Variants in ITPR1 observed in about 807,000 individuals in gnomAD.
ITPR1 encodes the protein inositol 1,4,5-trisphosphate receptor type 1, also known as inositol 1,4,5-trisphosphate-gated calcium channel ITPR1.
ITPR1 carries 96 observed loss-of-function variants against 318.4 expected under a neutral mutation model. That is an observed-to-expected ratio of 0.30 (90% CI 0.26 to 0.36). The LOEUF (loss-of-function observed/expected upper bound fraction) is 0.36, where lower values mean the gene tolerates loss of function less well. Among genes scored for constraint, ITPR1 ranks in the 10% least tolerant of loss-of-function variants. The pLI is 1.00. For synonymous variants in ITPR1, 1,312 were observed against 1,289.9 expected (o/e 1.02, Z -0.37); for missense variants, 2,440 against 3,460.2 (o/e 0.71, Z 7.40).
intron 4 of ITPR1, among the ~76,000 whole-genome samples, chr3:4,573,197 T>C (rs1201292332): frequency 6.6e-6 from 1 of 152,228 alleles, no homozygotes; most frequent in East Asian, 1.9e-4. Context: ...CGTTTTATAA[T>C]CTCGCCAACA....
chr3:4,754,517 G>A (rs906384497), intron 44 of ITPR1, among the ~76,000 whole-genome samples: 2 of 152,126 alleles, frequency 1.3e-5, no homozygotes, highest in Non-Finnish European at 2.9e-5. Flanking sequence ...GAGGATACTT[G>A]TCATTGAATC....
At position 4,762,711 on chromosome 3, in the gene ITPR1, C is replaced by T. The variant is rs1470196209; in HGVS notation, c.5545-3819C>T. On this transcript the variant is annotated intron_variant, in intron 44 of 61. Coordinates refer to ENST00000649015, the MANE Select transcript of ITPR1 (RefSeq NM_001378452.1). ...CAGTGGGTCAAGGACCTGGGACTCA[C>T]ACCCAGGCAGTCTGACTGCAAAACC... 2.0e-5 allele frequency among the ~76,000 whole-genome samples: 3 copies of T among 152,234 alleles called. No individual in the cohort carries two copies. The East Asian group carries it at 5.8e-4, about 29-fold the overall frequency.
At chr3:4,555,958 T>C (rs1020159538) in intron 4 of ITPR1, among the ~76,000 whole-genome samples, 5 of 152,200 alleles carry the variant, frequency 3.3e-5, no homozygotes, top group Admixed American at 1.3e-4. Context: ...GCACTTCAGC[T>C]CCAGGGTCTG....
At chr3:4,516,167 C>G (rs992558586) in intron 2 of ITPR1, among the ~76,000 whole-genome samples, 1 of 152,122 alleles carries the variant, frequency 6.6e-6, no homozygotes. Flanking sequence ...TCCCTGCAGG[C>G]TTTCTATTCA....
At chr3:4,651,778 T>C (rs7630678) in intron 10 of ITPR1, among the ~76,000 whole-genome samples, 123,449 of 152,206 alleles carry the variant, frequency 0.81, 50,898 homozygotes, top group East Asian at 1. Flanking sequence ...TAGATTGCTT[T>C]GACAGTTCTC....
At chr3:4,666,061 C>T (rs2093940563) in intron 17 of ITPR1, among the ~76,000 whole-genome samples, 2 of 152,144 alleles carry the variant, frequency 1.3e-5, no homozygotes, top group South Asian at 4.1e-4. Flanking sequence ...AAGAATTATC[C>T]TGCCTAAAAT....
chr3:4,607,971 G>C (rs548805197), intron 4 of ITPR1, among the ~76,000 whole-genome samples: 1 of 152,206 alleles, frequency 6.6e-6, no homozygotes, highest in Admixed American at 6.5e-5. Flanking sequence ...TGCCTAGCCT[G>C]GTAGCCTCTC....
intron 42 of ITPR1, among the ~76,000 whole-genome samples, chr3:4,729,610 C>T (rs1348472362): frequency 5.9e-5 from 9 of 152,202 alleles, no homozygotes; most frequent in South Asian, 2.1e-4. Flanking sequence ...TCTCTTCCCA[C>T]GCAGTTCATT....
chr3:4,672,701 A>T (rs574141682), intron 20 of ITPR1, among the ~76,000 whole-genome samples: 1 of 152,236 alleles, frequency 6.6e-6, no homozygotes, highest in African/African-American at 2.4e-5. Flanking sequence ...TTAAAATGTT[A>T]TAAAATTTCT....
At chr3:4,697,064 G>C in intron 33 of ITPR1, 83 bp from the exon 34 acceptor site, 11 of 1,294,568 alleles carry the variant, frequency 8.5e-6, no homozygotes, top group Non-Finnish European at 1.2e-5. Context: ...ATTTTCATCG[G>C]TCCTTGCTGT....
At chr3:4,681,763 A>T (rs1175209881) in intron 26 of ITPR1, among the ~76,000 whole-genome samples, 1 of 152,060 alleles carries the variant, frequency 6.6e-6, no homozygotes, top group Non-Finnish European at 1.5e-5. Context: ...ATAGAAAGAG[A>T]GAGGGGCTCA....
intron 60 of ITPR1, among the ~76,000 whole-genome samples, chr3:4,821,968 C>T (rs184105654): frequency 9.9e-5 from 15 of 152,240 alleles, no homozygotes; most frequent in Non-Finnish European, 1.5e-5. Context: ...ATGGGAGTAT[C>T]CCCCTCAAAG....
intron 15 of ITPR1, among the ~76,000 whole-genome samples, chr3:4,662,520 C>T (rs542040707): frequency 3.3e-5 from 5 of 152,066 alleles, no homozygotes; most frequent in Non-Finnish European, 5.9e-5. Context: ...GTCAGCAGTT[C>T]GAGACCAGCC....
intron 4 of ITPR1, among the ~76,000 whole-genome samples, chr3:4,586,012 A>G (rs2089861059): frequency 6.6e-6 from 1 of 151,482 alleles, no homozygotes; most frequent in African/African-American, 2.4e-5. Context: ...GAGTGAGAAC[A>G]TGTAGTGTTT....
intron 61 of ITPR1, among the ~76,000 whole-genome samples, chr3:4,841,785 TAGAG>T (rs1319403383): frequency 1.3e-5 from 2 of 152,044 alleles, no homozygotes; most frequent in African/African-American, 4.8e-5. Context: ...CCAGGTGAAA[TAGAG>T]AGAAACAGAG....
intron 58 of ITPR1, 35 bp downstream of exon 58, chr3:4,814,597 G>T: frequency 7.9e-7 from 1 of 1,262,548 alleles, no homozygotes; most frequent in Non-Finnish European, 1.1e-6. Flanking sequence ...AGGGCAAAGG[G>T]GGCGGGTGGG....
intron 24 of ITPR1, 67 bp downstream of exon 24, chr3:4,676,868 C>A: frequency 7.9e-7 from 1 of 1,261,716 alleles, no homozygotes; most frequent in East Asian, 2.4e-5. Context: ...TCCAGTCCCT[C>A]TGTTCTGATG....
At chr3:4,550,415 T>C (rs1379881884) in intron 4 of ITPR1, among the ~76,000 whole-genome samples, 1 of 152,224 alleles carries the variant, frequency 6.6e-6, no homozygotes, top group African/African-American at 2.4e-5. Flanking sequence ...AGTGATTTTA[T>C]TGCGTGCTTC....
At chr3:4,687,888 A>T (rs2094422003) in intron 30 of ITPR1, among the ~76,000 whole-genome samples, 1 of 152,080 alleles carries the variant, frequency 6.6e-6, no homozygotes, top group Non-Finnish European at 1.5e-5. Flanking sequence ...CTAATGTGTG[A>T]TCTCAGGAGA....
Sources: gnomAD v4.1 joint callset for allele counts (sites outside exome capture counted in the v4.1 genomes callset) on GRCh38, gnomAD v4.1.1 for gene constraint, MANE v1.5 for transcripts, NCBI Gene and HGNC (gene_info 2026-07-23, HGNC 2026-07-21) for gene names.